LRRN2: variants seen among roughly 807,000 people sequenced by gnomAD.
The protein encoded by LRRN2 is leucine rich repeat neuronal 2.
A neutral mutation model predicts 35.7 loss-of-function variants in LRRN2; 10 were observed. That is an observed-to-expected ratio of 0.28 (90% CI 0.17 to 0.47). The LOEUF is 0.47. LRRN2 is among the 20% of genes least tolerant of loss of function. The pLI is 0.99. For missense variants in LRRN2, 731 were observed against 940.3 expected, an observed-to-expected ratio of 0.78 and a Z score of 2.91; for synonymous variants, 391 against 409.6, an observed-to-expected ratio of 0.95 and a Z score of 0.55.
chr1:204,632,066 A>G (rs576515841), intron 1 of LRRN2, among the ~76,000 whole-genome samples: 1 of 152,154 alleles, frequency 6.6e-6, no homozygotes, highest in South Asian at 2.1e-4. Context: ...ACCAAAAAAC[A>G]AACAAACAAA....
In LRRN2 at chr1:204,618,420, C is replaced by T. The variant is rs139192228; in HGVS notation, c.1573G>A (p.Glu525Lys). 99 of 1,613,892 alleles carry T rather than the reference C, an allele frequency of 6.1e-5. No individual in the cohort carries two copies. The highest frequency in any genetic ancestry group is 8.2e-5 in the Non-Finnish European group (97 of 1,179,900). Residue 525 changes from glutamate to lysine, a missense_variant, in exon 2 of 2, where the codon GAA becomes AAA. Glu to Lys is a moderately conservative substitution (Grantham distance 56, BLOSUM62 1). Coordinates refer to ENST00000367177, the MANE Select transcript of LRRN2 (RefSeq NM_201630.2). Reference protein sequence around the residue: ...GRALLQPGRDEGQGLELRVQE... With the variant: ...GRALLQPGRDKGQGLELRVQE... The stretch of plus-strand genomic sequence containing the variant: ...ACCCGGAGCTCCAGCCCCTGTCCTT[C>T]GTCCCTGCCTGGCTGGAGGAGAGCA...
At chr1:204,625,531 C>T (rs1038456958) in intron 1 of LRRN2, among the ~76,000 whole-genome samples, 3 of 152,164 alleles carry the variant, frequency 2.0e-5, no homozygotes, top group African/African-American at 7.2e-5. Flanking sequence ...TGCATAGGTA[C>T]AAGTACAACC....
intron 1 of LRRN2, among the ~76,000 whole-genome samples, chr1:204,624,248 T>C (rs575804929): frequency 6.6e-6 from 1 of 150,560 alleles, no homozygotes; most frequent in South Asian, 2.2e-4. Context: ...GGAAGGACAC[T>C]GTTCCTGTGT....
intron 1 of LRRN2, among the ~76,000 whole-genome samples, chr1:204,676,371 G>A (rs1186872262): frequency 1.1e-4 from 3 of 26,370 alleles, no homozygotes; most frequent in Admixed American, 5.7e-4. Context: ...AGACCTTTCT[G>A]AGCTTTGTAC....
intron 1 of LRRN2, among the ~76,000 whole-genome samples, chr1:204,668,164 C>G (rs1325486613): frequency 1.3e-5 from 2 of 152,238 alleles, no homozygotes; most frequent in Admixed American, 6.5e-5. Flanking sequence ...CTGCACATGA[C>G]ATTCCAGACC....
intron 1 of LRRN2, among the ~76,000 whole-genome samples, chr1:204,651,578 T>G (rs757182778): frequency 1.3e-5 from 2 of 151,980 alleles, no homozygotes; most frequent in Non-Finnish European, 2.9e-5. Flanking sequence ...CATTTCCCAG[T>G]TTCAGCATTT....
chr1:204,637,687 T>C (rs1220033393), intron 1 of LRRN2, among the ~76,000 whole-genome samples: 2 of 144,614 alleles, frequency 1.4e-5, no homozygotes, highest in Admixed American at 1.5e-4. Flanking sequence ...TGTGTGTGTG[T>C]GTGTGTTTGG....
chr1:204,638,402 C>CTGTTTTTTTTT (rs1667891508), intron 1 of LRRN2, among the ~76,000 whole-genome samples: 1 of 71,688 alleles, frequency 1.4e-5, no homozygotes, highest in Non-Finnish European at 2.4e-5. Context: ...CAAGGTCTTC[C>CTGTTTTTTTTT]TTTTTTTTTT....
chr1:204,634,552 A>T (rs1571646811), intron 1 of LRRN2, among the ~76,000 whole-genome samples: 2 of 152,306 alleles, frequency 1.3e-5, no homozygotes, highest in East Asian at 3.9e-4. Flanking sequence ...TAAGAAAAAA[A>T]AGCCATGTGA....
chr1:204,631,901 C>T (rs984304853), intron 1 of LRRN2, among the ~76,000 whole-genome samples: 1 of 152,124 alleles, frequency 6.6e-6, no homozygotes, highest in Admixed American at 6.5e-5. Flanking sequence ...ACACAATACC[C>T]AGGCAGAGGC....
intron 1 of LRRN2, among the ~76,000 whole-genome samples, chr1:204,644,382 G>A (rs1293042356): frequency 6.6e-6 from 1 of 152,038 alleles, no homozygotes; most frequent in South Asian, 2.1e-4. Context: ...CTTTCTCAAA[G>A]GGTAGACCCC....
At chr1:204,653,873 A>AG (rs1177836182) in intron 1 of LRRN2, among the ~76,000 whole-genome samples, 1 of 151,124 alleles carries the variant, frequency 6.6e-6, no homozygotes, top group East Asian at 1.9e-4. Context: ...AAAAAAAAAA[A>AG]AAAGAAAAAC....
At chr1:204,667,533 C>T (rs148398299) in intron 1 of LRRN2, among the ~76,000 whole-genome samples, 10 of 152,246 alleles carry the variant, frequency 6.6e-5, no homozygotes, top group Admixed American at 1.3e-4. Flanking sequence ...ACATGCGGGA[C>T]ACTGGGAGTG....
rs1240284036 is a variant in LRRN2 at position 204,618,997 on chromosome 1, G to A, written c.996C>T (p.His332=). Residue 332 remains histidine (H), a synonymous_variant, in exon 2 of 2, where the codon CAC becomes CAT. Transcript: ENST00000367177. Reference sequence around the variant, plus strand: ...TGAGGGTCTCCATCTGGGGCAGGTGGTGGAAGGCGCGGGGGTGGATGAAGG... The same window carrying A: ...TGAGGGTCTCCATCTGGGGCAGGTGATGGAAGGCGCGGGGGTGGATGAAGG... ...RLSFIHPRAF[H]HLPQMETLML... 16 of 1,612,726 alleles carry A rather than the reference G, an allele frequency of 9.9e-6. No homozygotes were observed. Among genetic ancestry groups the A allele is most frequent in the African/African-American group, 1.3e-5 (1 of 74,902 alleles).
In LRRN2 at chr1:204,619,586, C is replaced by G. The variant is rs1358760269; in HGVS notation, c.407G>C (p.Ser136Thr). Residue 136 changes from serine (S) to threonine (T), a missense_variant, in exon 2 of 2, where the codon AGC becomes ACC. This residue lies in a region of LRRN2 where 246 missense variants were observed against 289.5 expected (regional missense o/e 0.85). Transcript: ENST00000367177. ...ENQLTRLEDH[S>T]FAGLASLQEL... is the part of the protein sequence containing the mutation. ...CTGTAGGCTGGCCAGCCCTGCAAAG[C>G]TGTGGTCCTCCAGCCGGGTCAGCTG... The G allele has an allele frequency of 4.3e-6, 7 of 1,614,046 alleles. No homozygotes were observed. Among genetic ancestry groups the G allele is most frequent in the Non-Finnish European group, 5.9e-6 (7 of 1,180,036 alleles).
chr1:204,629,229 GTCCCCT>G (rs1323587271), intron 1 of LRRN2: 1 of 152,328 alleles, frequency 6.6e-6, no homozygotes, highest in Admixed American at 6.5e-5. Flanking sequence ...CTTGCCACAA[GTCCCCT>G]TCCTCACCTG....
intron 1 of LRRN2, chr1:204,621,925 A>G (rs1666922130): frequency 6.0e-6 from 1 of 167,090 alleles, no homozygotes; most frequent in South Asian, 2.1e-4. Context: ...AAGACTCTGA[A>G]TGTCTTTTTT....
At chr1:204,679,750 G>T (rs558137111) in intron 1 of LRRN2, among the ~76,000 whole-genome samples, 1 of 152,198 alleles carries the variant, frequency 6.6e-6, no homozygotes, top group Non-Finnish European at 1.5e-5. Flanking sequence ...CCCACCATGT[G>T]TCCATGGGCA....
chr1:204,619,642 G>A lies in LRRN2; in HGVS notation c.351C>T (p.Pro117=), dbSNP rs1433110699. The A allele has an allele frequency of 1.2e-6, 2 of 1,614,218 alleles. No homozygotes were observed. Among genetic ancestry groups the A allele is most frequent in the East Asian group, 2.2e-5 (1 of 44,878 alleles). ...DARDCDFHAL[P]QLLSLHLEEN... is the part of the protein sequence containing the mutation. Reference sequence around the variant, plus strand: ...CCTCTAGGTGCAGGCTCAGCAGCTGGGGCAGGGCATGGAAATCACAGTCTC... The same window carrying A: ...CCTCTAGGTGCAGGCTCAGCAGCTGAGGCAGGGCATGGAAATCACAGTCTC... Residue 117 remains proline (P), a synonymous_variant, in exon 2 of 2, where the codon CCC becomes CCT. Coordinates refer to ENST00000367177, the MANE Select transcript of LRRN2 (RefSeq NM_201630.2).
Sources: gnomAD v4.1 joint callset for allele counts (sites outside exome capture counted in the v4.1 genomes callset) on GRCh38, gnomAD v4.1.1 for gene constraint, gnomAD v4.1.1 regional missense constraint, MANE v1.5 for transcripts, NCBI Gene and HGNC (gene_info 2026-07-23, HGNC 2026-07-21) for gene names.